Variants in VAX2 observed in about 807,000 individuals in gnomAD.
The protein encoded by VAX2 is ventral anterior homeobox 2.
VAX2 carries 8 observed loss-of-function variants against 12.5 expected under a neutral mutation model. The ratio of observed to expected loss-of-function variants is 0.64; its 90% CI spans 0.37 to 1.15. VAX2 has a LOEUF of 1.15. Among genes scored for constraint, VAX2 ranks in the 50% most tolerant of loss-of-function variants. The pLI is 0.01. For synonymous variants in VAX2, 183 were observed against 187.6 expected, an observed-to-expected ratio of 0.98 and a Z score of 0.20; for missense variants, 476 against 412.9, an observed-to-expected ratio of 1.15 and a Z score of -1.32.
chr2:70,906,520 CTTTTT>C (rs869309305), intron 1 of VAX2, among the ~76,000 whole-genome samples: 25 of 60,598 alleles, frequency 4.1e-4, no homozygotes, highest in Admixed American at 6.6e-4. Context: ...TTTTCTTTTC[CTTTTT>C]TTTTTTTTTT....
At chr2:70,916,109 A>G (rs1679300720) in intron 1 of VAX2, among the ~76,000 whole-genome samples, 1 of 152,218 alleles carries the variant, frequency 6.6e-6, no homozygotes, top group Non-Finnish European at 1.5e-5. Context: ...ATACAGAGAC[A>G]CTATCGTGTT....
At position 70,933,317 on chromosome 2, in the gene VAX2, T is replaced by C. The variant is rs1360864886; in HGVS notation, c.*113T>C. The C allele has an allele frequency of 2.2e-5, 23 of 1,059,334 alleles. No homozygotes were observed. Among genetic ancestry groups the C allele is most frequent in the South Asian group, 3.3e-5 (1 of 30,532 alleles). 65.6% of individuals were successfully genotyped at this position (1,059,334 alleles called of 1,614,324 possible). On this transcript the variant is annotated 3_prime_UTR_variant, in exon 3 of 3. Transcript: ENST00000234392. ...AGGAGGGGCTGCAGCCACACACTCT[T>C]CCCCACCTGCCCCCCAGCTCAGAGA... is the stretch of plus-strand genomic sequence containing the variant.
chr2:70,919,784 C>G (rs932387124), intron 1 of VAX2, among the ~76,000 whole-genome samples: 1 of 152,098 alleles, frequency 6.6e-6, no homozygotes, highest in Non-Finnish European at 1.5e-5. Context: ...CCCTAGAGGT[C>G]GAGACTGCAG....
chr2:70,919,246 A>ATGTT (rs1679392927), intron 1 of VAX2, among the ~76,000 whole-genome samples: 1 of 150,658 alleles, frequency 6.6e-6, no homozygotes, highest in African/African-American at 2.4e-5. Flanking sequence ...AAAAAAAAAA[A>ATGTT]GAATAAAAAA....
At chr2:70,919,019 TA>T (rs1679379635) in intron 1 of VAX2, among the ~76,000 whole-genome samples, 1 of 150,658 alleles carries the variant, frequency 6.6e-6, no homozygotes, top group Non-Finnish European at 1.5e-5. Context: ...CTGGCCAACA[TA>T]GTGAAACCCT....
intron 1 of VAX2, among the ~76,000 whole-genome samples, chr2:70,914,434 G>A (rs1438993460): frequency 3.9e-5 from 6 of 152,188 alleles, no homozygotes; most frequent in Admixed American, 2.0e-4. Context: ...CTGAGCAACA[G>A]AGTGAGACTC....
intron 1 of VAX2, among the ~76,000 whole-genome samples, chr2:70,915,552 T>G (rs1199039065): frequency 6.6e-6 from 1 of 152,210 alleles, no homozygotes; most frequent in Non-Finnish European, 1.5e-5. Context: ...TTTTGCAGCT[T>G]GCTTAGAAAT....
chr2:70,922,135 T>C (rs1553412947), intron 2 of VAX2, among the ~76,000 whole-genome samples: 1 of 152,206 alleles, frequency 6.6e-6, no homozygotes, highest in Non-Finnish European at 1.5e-5. Context: ...ATGCTGCCTA[T>C]AAACTGGGCA....
intron 1 of VAX2, among the ~76,000 whole-genome samples, chr2:70,914,140 G>A (rs184039315): frequency 6.6e-6 from 1 of 152,182 alleles, no homozygotes; most frequent in East Asian, 1.9e-4. Context: ...GTTTCTCTAG[G>A]ACAAATACCA....
intron 2 of VAX2, among the ~76,000 whole-genome samples, chr2:70,930,903 A>C (rs1383911182): frequency 6.6e-6 from 1 of 152,124 alleles, no homozygotes; most frequent in Non-Finnish European, 1.5e-5. Context: ...CCCCAGCTCC[A>C]GGCGAGGAGC....
At chr2:70,931,249 C>A (rs1335509315) in intron 2 of VAX2, among the ~76,000 whole-genome samples, 4 of 152,120 alleles carry the variant, frequency 2.6e-5, no homozygotes, top group Admixed American at 2.0e-4. Flanking sequence ...TCTCAGAGGC[C>A]CTGAAAAAGA....
At chr2:70,914,848 C>G (rs566404507) in intron 1 of VAX2, among the ~76,000 whole-genome samples, 1 of 148,744 alleles carries the variant, frequency 6.7e-6, no homozygotes, top group Non-Finnish European at 1.5e-5. Flanking sequence ...TATTGCCAGG[C>G]TGGAGTGCAA....
At chr2:70,922,676 A>C (rs910357935) in intron 2 of VAX2, among the ~76,000 whole-genome samples, 7 of 151,680 alleles carry the variant, frequency 4.6e-5, no homozygotes, top group Middle Eastern at 3.4e-3. Context: ...GGAGGAGGGG[A>C]AGGCCGGGGA....
intron 2 of VAX2, among the ~76,000 whole-genome samples, chr2:70,926,856 C>A (rs1297179700): frequency 6.6e-6 from 1 of 152,024 alleles, no homozygotes; most frequent in Non-Finnish European, 1.5e-5. Flanking sequence ...GAGTTAAGAA[C>A]CCCATTTTAC....
At chr2:70,902,267 C>G (rs1054591943) in intron 1 of VAX2, among the ~76,000 whole-genome samples, 1 of 152,168 alleles carries the variant, frequency 6.6e-6, no homozygotes, top group Non-Finnish European at 1.5e-5. Context: ...GGCCTTAGCT[C>G]TGGGAAACAT....
In VAX2 at chr2:70,933,111, C is replaced by T. The variant is rs1553414645; in HGVS notation, c.780C>T (p.Ala260=). The T allele has an allele frequency of 6.2e-6, 10 of 1,609,424 alleles. No individual in the cohort carries two copies. Among genetic ancestry groups the T allele is most frequent in the East Asian group, 4.5e-5 (2 of 44,740 alleles). The change falls in exon 3 of 3, where the codon GCC becomes GCT. Residue 260 remains alanine (A), a synonymous_variant. Transcript: ENST00000234392. ...FSSAPLLDLP[A]GYELGSSAFE... ...CGGCCCCGCTCCTGGATCTGCCTGC[C>T]GGCTACGAACTGGGTTCCTCGGCCT...
intron 1 of VAX2, among the ~76,000 whole-genome samples, chr2:70,918,875 A>G (rs1444817711): frequency 6.6e-6 from 1 of 151,168 alleles, no homozygotes. Context: ...AAAAAAAAAA[A>G]AAAAAAAGAA....
chr2:70,931,094 C>A (rs1197285833), intron 2 of VAX2, among the ~76,000 whole-genome samples: 2 of 152,214 alleles, frequency 1.3e-5, no homozygotes, highest in East Asian at 3.9e-4. Context: ...ATCTGCAGGG[C>A]AGCACACCCT....
At chr2:70,900,944 C>A in intron 1 of VAX2, 76 bp downstream of exon 1, 2 of 1,228,592 alleles carry the variant, frequency 1.6e-6, no homozygotes, top group Non-Finnish European at 2.1e-6. Context: ...CTAGCTGCAG[C>A]TGACACCTCT....
Sources: gnomAD v4.1 joint callset for allele counts (sites outside exome capture counted in the v4.1 genomes callset) on GRCh38, gnomAD v4.1.1 for gene constraint, MANE v1.5 for transcripts, NCBI Gene and HGNC (gene_info 2026-07-23, HGNC 2026-07-21) for gene names.